C2orf76: variants seen among roughly 807,000 people sequenced by gnomAD.
C2orf76 encodes the protein UPF0538 protein C2orf76.
Under a neutral mutation model 16.9 loss-of-function variants are expected in C2orf76, and 23 were observed. The observed-to-expected ratio is 1.36, with a 90% confidence interval of 0.98 to 1.93. The LOEUF is 1.93. Among genes scored for constraint, C2orf76 ranks in the 30% most tolerant of loss-of-function variants. The pLI is 0.00. For missense variants in C2orf76, 152 were observed against 152.6 expected (o/e 1.00, Z 0.02); for synonymous variants, 48 against 52.3 (o/e 0.92, Z 0.35).
At chr2:119,344,005 C>A (rs1022509189) in intron 1 of C2orf76, among the ~76,000 whole-genome samples, 3 of 152,208 alleles carry the variant, frequency 2.0e-5, no homozygotes, top group Admixed American at 6.5e-5. Flanking sequence ...CTGGCACTTG[C>A]ATTCCTCATG....
chr2:119,334,199 T>A (rs1285940663), intron 2 of C2orf76, among the ~76,000 whole-genome samples: 1 of 151,804 alleles, frequency 6.6e-6, no homozygotes, highest in African/African-American at 2.4e-5. Flanking sequence ...AAGAACAAAA[T>A]CAGTAGTTGC....
chr2:119,334,969 T>C (rs537744132), intron 2 of C2orf76, among the ~76,000 whole-genome samples: 1 of 152,214 alleles, frequency 6.6e-6, no homozygotes, highest in Non-Finnish European at 1.5e-5. Context: ...TATGCTAGAA[T>C]TAAACAATTA....
At chr2:119,327,307 C>T (rs1475952159) in intron 2 of C2orf76, among the ~76,000 whole-genome samples, 8 of 90,846 alleles carry the variant, frequency 8.8e-5, no homozygotes, top group Admixed American at 2.1e-4. Flanking sequence ...GTTTTCTTTT[C>T]TTTACTATTA....
chr2:119,332,735 G>C (rs1679716641), intron 2 of C2orf76, among the ~76,000 whole-genome samples: 1 of 152,072 alleles, frequency 6.6e-6, no homozygotes, highest in African/African-American at 2.4e-5. Flanking sequence ...AAATAGTTTT[G>C]TTTTGTTTTG....
intron 5 of C2orf76, among the ~76,000 whole-genome samples, chr2:119,308,993 G>A (rs1489840043): frequency 6.6e-6 from 1 of 152,158 alleles, no homozygotes; most frequent in African/African-American, 2.4e-5. Flanking sequence ...AACAATTGCT[G>A]CTGTCCAAGG....
intron 1 of C2orf76, among the ~76,000 whole-genome samples, chr2:119,344,574 C>T (rs190313381): frequency 4.3e-4 from 66 of 152,224 alleles, no homozygotes; most frequent in African/African-American, 1.5e-3. Flanking sequence ...TAAAAAAGAG[C>T]TGTTTGGGAA....
intron 2 of C2orf76, among the ~76,000 whole-genome samples, chr2:119,322,049 C>T (rs185368746): frequency 1.4e-4 from 22 of 152,082 alleles, no homozygotes; most frequent in Admixed American, 4.6e-4. Context: ...AAACATATTC[C>T]AAATGCCAGT....
chr2:119,313,672 A>G (rs771202301), intron 4 of C2orf76, among the ~76,000 whole-genome samples: 7 of 152,196 alleles, frequency 4.6e-5, no homozygotes, highest in Non-Finnish European at 1.0e-4. Context: ...ATAGAAAGTG[A>G]AAAGTCAGTC....
intron 4 of C2orf76, among the ~76,000 whole-genome samples, chr2:119,314,325 G>A (rs1679096775): frequency 6.6e-6 from 1 of 151,964 alleles, no homozygotes; most frequent in Admixed American, 6.6e-5. Flanking sequence ...TGTTCCATCT[G>A]TTTCATCTCT....
intron 1 of C2orf76, among the ~76,000 whole-genome samples, chr2:119,350,967 C>G (rs985835419): frequency 3.3e-5 from 5 of 152,128 alleles, no homozygotes; most frequent in Admixed American, 2.0e-4. Flanking sequence ...TTACACTGAT[C>G]TCTGTCAGCT....
In C2orf76 at chr2:119,317,453, C is replaced by T. The variant is rs765282056; in HGVS notation, c.222+13G>A. On this transcript the variant is annotated intron_variant, in intron 4 of 5. Coordinates refer to ENST00000334816, the MANE Select transcript of C2orf76 (RefSeq NM_001322331.2). ...ACTTGCTATGTGCCAGATACTGTAC[C>T]TGTGGAACATACCTTTGATTTATGT... 1 of 1,589,842 alleles carries T rather than the reference C, an allele frequency of 6.3e-7. No individual in the cohort carries two copies. Among genetic ancestry groups the T allele is most frequent in the Non-Finnish European group, 8.6e-7 (1 of 1,164,556 alleles).
At chr2:119,284,516 C>T in the C2orf76 span, among the ~76,000 whole-genome samples, 4 of 152,102 alleles carry the variant, frequency 2.6e-5, no homozygotes, top group Non-Finnish European at 5.9e-5. Flanking sequence ...CAGTGGATCA[C>T]CGGGCTTGCA....
the C2orf76 span, among the ~76,000 whole-genome samples, chr2:119,281,371 G>A: frequency 6.6e-6 from 1 of 152,062 alleles, no homozygotes; most frequent in Non-Finnish European, 1.5e-5. Flanking sequence ...GAGGATATGT[G>A]GTATTTGGTT....
At chr2:119,366,418 G>A (rs1056236024) in intron 1 of C2orf76, 30 of 471,482 alleles carry the variant, frequency 6.4e-5, no homozygotes, top group Non-Finnish European at 9.7e-5. Context: ...ACGGCCACAA[G>A]CAAGTCAAAG....
At chr2:119,316,667 T>C (rs1679182581) in intron 4 of C2orf76, among the ~76,000 whole-genome samples, 1 of 152,130 alleles carries the variant, frequency 6.6e-6, no homozygotes, top group South Asian at 2.1e-4. Flanking sequence ...AATACTTCAT[T>C]CAAAAATTGT....
At chr2:119,351,587 C>CA (rs1214118205) in intron 1 of C2orf76, among the ~76,000 whole-genome samples, 16 of 150,468 alleles carry the variant, frequency 1.1e-4, no homozygotes, top group South Asian at 6.3e-4. Flanking sequence ...TCTGTCTCTA[C>CA]AAAAAAAAAT....
chr2:119,341,128 T>C lies in C2orf76; in HGVS notation c.-12-1157A>G, dbSNP rs143312494. Reference sequence around the variant, plus strand: ...TCATATCATTTGAATCTACAGAAAATAGACTATTATGCACAGCAGTAACAA... The same window carrying C: ...TCATATCATTTGAATCTACAGAAAACAGACTATTATGCACAGCAGTAACAA... On this transcript the variant is annotated intron_variant, in intron 1 of 5. Coordinates refer to ENST00000334816, the MANE Select transcript of C2orf76 (RefSeq NM_001322331.2). Among the ~76,000 whole-genome samples, 12 of 152,200 alleles carry C rather than the reference T, an allele frequency of 7.9e-5. No homozygotes were observed. In the East Asian group the frequency reaches 2.3e-3, roughly 29 times the overall value.
intron 2 of C2orf76, among the ~76,000 whole-genome samples, chr2:119,330,339 T>C (rs1679635894): frequency 1.4e-5 from 2 of 145,320 alleles, no homozygotes; most frequent in Admixed American, 1.4e-4. Flanking sequence ...ATCATGCCAC[T>C]GCACTCTCCA....
At chr2:119,332,404 G>A (rs768542078) in intron 2 of C2orf76, among the ~76,000 whole-genome samples, 4 of 152,098 alleles carry the variant, frequency 2.6e-5, no homozygotes, top group Non-Finnish European at 1.5e-5. Context: ...AGATATGATG[G>A]TAAGATTCAA....
Sources: allele counts gnomAD v4.1 joint callset (sites outside exome capture counted in the v4.1 genomes callset), GRCh38; gene constraint gnomAD v4.1.1; transcripts MANE v1.5; gene names NCBI Gene and HGNC (gene_info 2026-07-23, HGNC 2026-07-21).